The following FOXP1 variants were observed in gnomAD, a reference collection of about 807,000 sequenced individuals.
FOXP1 encodes forkhead box protein P1.
In FOXP1, 15 loss-of-function variants were observed where a neutral mutation model predicts 98.2. The observed-to-expected ratio is 0.15, with a 90% confidence interval of 0.10 to 0.24. The LOEUF is 0.24. Ranked by LOEUF, FOXP1 falls within the 10% of genes least tolerant of loss-of-function variation. FOXP1 has a pLI of 1.00. For synonymous variants in FOXP1, 371 were observed against 314.5 expected (o/e 1.18, Z -1.90); for missense variants, 633 against 848.5 (o/e 0.75, Z 3.15).
intron 12 of FOXP1, among the ~76,000 whole-genome samples, chr3:71,012,839 A>C (rs1424099548): frequency 1.3e-5 from 2 of 152,180 alleles, no homozygotes; most frequent in Non-Finnish European, 2.9e-5. Flanking sequence ...CCAATTTGTA[A>C]ACCATCAAGC....
chr3:71,136,172 G>C (rs2059812828), intron 6 of FOXP1, among the ~76,000 whole-genome samples: 1 of 152,168 alleles, frequency 6.6e-6, no homozygotes, highest in African/African-American at 2.4e-5. Context: ...ACCTTTGAAG[G>C]TTTAATTCAA....
chr3:71,583,479 GTGC>G, intron 1 of FOXP1, 89 bp downstream of exon 1: 2 of 701,656 alleles, frequency 2.9e-6, no homozygotes, highest in Non-Finnish European at 3.2e-6. Context: ...TTTTTTTTTT[GTGC>G]TGGTTGTTGT....
intron 5 of FOXP1, among the ~76,000 whole-genome samples, chr3:71,221,610 CTCTCTACCGCA>C (rs1178939566): frequency 2.0e-5 from 3 of 152,222 alleles, no homozygotes; most frequent in Non-Finnish European, 4.4e-5. Context: ...CAACCTCCTT[CTCTCTACCGCA>C]TCTCTACCGC....
chr3:70,960,226 G>A (rs2033006713), intron 20 of FOXP1, among the ~76,000 whole-genome samples: 1 of 152,212 alleles, frequency 6.6e-6, no homozygotes, highest in African/African-American at 2.4e-5. Context: ...AGCCCTGCCA[G>A]GAAACACAAA....
At chr3:71,455,533 A>G (rs749372476) in intron 3 of FOXP1, among the ~76,000 whole-genome samples, 1 of 152,222 alleles carries the variant, frequency 6.6e-6, no homozygotes, top group Non-Finnish European at 1.5e-5. Context: ...CAAACTGCAT[A>G]AAACAAATAA....
At chr3:71,336,688 C>T (rs1021887942) in intron 4 of FOXP1, among the ~76,000 whole-genome samples, 1 of 152,204 alleles carries the variant, frequency 6.6e-6, no homozygotes, top group Non-Finnish European at 1.5e-5. Context: ...TAGAATATCA[C>T]CGTGTTGCAT....
At chr3:71,118,152 C>T (rs748892446) in intron 6 of FOXP1, among the ~76,000 whole-genome samples, 10 of 152,164 alleles carry the variant, frequency 6.6e-5, no homozygotes, top group Non-Finnish European at 1.0e-4. Flanking sequence ...TGAGATGGCC[C>T]TCTCGCTGCT....
chr3:71,143,569 T>C (rs1203836875), intron 6 of FOXP1, among the ~76,000 whole-genome samples: 1 of 152,148 alleles, frequency 6.6e-6, no homozygotes, highest in African/African-American at 2.4e-5. Flanking sequence ...CACCACCTCC[T>C]AAGGCTGTTG....
chr3:71,456,350 G>A (rs1244189389), intron 3 of FOXP1, among the ~76,000 whole-genome samples: 1 of 152,156 alleles, frequency 6.6e-6, no homozygotes, highest in Non-Finnish European at 1.5e-5. Flanking sequence ...TTTCAATATT[G>A]CAGAAGCAAA....
intron 5 of FOXP1, among the ~76,000 whole-genome samples, chr3:71,232,877 C>CAAAACAAAAAAAAAAA (rs528237968): frequency 6.4e-5 from 2 of 31,422 alleles, no homozygotes; most frequent in Admixed American, 5.2e-4. Context: ...AACTCTGTCT[C>CAAAACAAAAAAAAAAA]AAAAAAAAAA....
intron 3 of FOXP1, among the ~76,000 whole-genome samples, chr3:71,363,458 C>T (rs1027709805): frequency 6.6e-6 from 1 of 152,166 alleles, no homozygotes; most frequent in African/African-American, 2.4e-5. Context: ...TTTTAGAACG[C>T]CAAAATGCCT....
intron 3 of FOXP1, among the ~76,000 whole-genome samples, chr3:71,470,765 A>G (rs1470818492): frequency 6.6e-6 from 1 of 152,220 alleles, no homozygotes; most frequent in Non-Finnish European, 1.5e-5. Context: ...AAAAGAAAAG[A>G]AAACACTGAA....
At chr3:70,962,840 TGAA>T (rs2062906064) in intron 20 of FOXP1, among the ~76,000 whole-genome samples, 1 of 152,190 alleles carries the variant, frequency 6.6e-6, no homozygotes, top group Admixed American at 6.5e-5. Flanking sequence ...TCCATCTTAA[TGAA>T]GTTCTTGCTG....
intron 2 of FOXP1, among the ~76,000 whole-genome samples, chr3:71,577,218 G>A (rs1297744870): frequency 2.0e-5 from 3 of 152,176 alleles, no homozygotes; most frequent in Non-Finnish European, 4.4e-5. Context: ...TGTCTTTCCT[G>A]ACTGCCATGC....
intron 3 of FOXP1, among the ~76,000 whole-genome samples, chr3:71,412,943 T>C (rs537018947): frequency 1.3e-5 from 2 of 152,298 alleles, no homozygotes; most frequent in East Asian, 1.9e-4. Context: ...TGTGCACATA[T>C]GCAGTAAGAG....
At position 71,041,532 on chromosome 3, in the gene FOXP1, C is replaced by T. The variant is rs1413439357; in HGVS notation, c.665G>A (p.Gly222Asp). Residue 222 changes from glycine (G) to aspartate (D), a missense_variant and splice_region_variant, in exon 11 of 21, where the codon GGC (glycine) becomes GAC (aspartate). Transcript: ENST00000649528. ...CTGCTGCAGTTCTGTTGGAATCATG[C>T]CTGAAACAAACAAATTGGATAATTA... is the stretch of plus-strand genomic sequence containing the variant. Reference protein sequence around the residue: ...PALPLQPLAQGMIPTELQQLW... With the variant: ...PALPLQPLAQDMIPTELQQLW... The T allele has an allele frequency of 6.2e-7, 1 of 1,613,566 alleles. No homozygotes were observed.
intron 7 of FOXP1, among the ~76,000 whole-genome samples, chr3:71,104,148 C>T (rs1214419228): frequency 6.6e-6 from 1 of 152,122 alleles, no homozygotes; most frequent in Non-Finnish European, 1.5e-5. Context: ...TCCCATTGCA[C>T]TGGAGAATAC....
At chr3:71,499,694 T>A (rs1466010716) in intron 2 of FOXP1, among the ~76,000 whole-genome samples, 2 of 152,222 alleles carry the variant, frequency 1.3e-5, no homozygotes, top group Non-Finnish European at 1.5e-5. Flanking sequence ...AATCCTTCTC[T>A]AATTTACAAA....
intron 3 of FOXP1, among the ~76,000 whole-genome samples, chr3:71,361,168 C>T (rs2078537237): frequency 6.6e-6 from 1 of 152,130 alleles, no homozygotes; most frequent in Non-Finnish European, 1.5e-5. Context: ...TTGGTAAAGG[C>T]TGTAATCGTT....
Sources: allele counts gnomAD v4.1 joint callset (sites outside exome capture counted in the v4.1 genomes callset), GRCh38; gene constraint gnomAD v4.1.1; transcripts MANE v1.5; gene names NCBI Gene and HGNC (gene_info 2026-07-23, HGNC 2026-07-21).